Variants in RHOU observed in about 807,000 individuals in gnomAD.
RHOU encodes the protein ras homolog family member U.
Under a neutral mutation model 12.6 loss-of-function variants are expected in RHOU, and 8 were observed. That is an observed-to-expected ratio of 0.64 (90% CI 0.37 to 1.15). RHOU has a LOEUF of 1.15. Among genes scored for constraint, RHOU ranks in the 50% most tolerant of loss-of-function variants. The pLI is 0.01. For missense variants in RHOU, 258 were observed against 347.0 expected (o/e 0.74, Z 2.04); for synonymous variants, 161 against 147.4 (o/e 1.09, Z -0.67).
the RHOU span, among the ~76,000 whole-genome samples, chr1:228,690,930 A>T: frequency 2.0e-5 from 3 of 152,172 alleles, no homozygotes; most frequent in East Asian, 5.8e-4. Flanking sequence ...ATTAGTTTTA[A>T]AAGAGTGTAT....
chr1:228,695,750 C>T, the RHOU span, among the ~76,000 whole-genome samples: 1 of 152,174 alleles, frequency 6.6e-6, no homozygotes, highest in Non-Finnish European at 1.5e-5. Flanking sequence ...GTTTGGCTAT[C>T]CTGGAACTCT....
At chr1:228,699,886 A>G in the RHOU span, among the ~76,000 whole-genome samples, 2 of 152,188 alleles carry the variant, frequency 1.3e-5, no homozygotes, top group African/African-American at 2.4e-5. Context: ...AAATCTCTCT[A>G]TAAATCTTTA....
At chr1:228,673,446 G>A in the RHOU span, among the ~76,000 whole-genome samples, 1 of 152,114 alleles carries the variant, frequency 6.6e-6, no homozygotes, top group Non-Finnish European at 1.5e-5. Context: ...GGTGTGATAT[G>A]GTTTGAATTG....
the RHOU span, among the ~76,000 whole-genome samples, chr1:228,714,337 G>A: frequency 6.6e-6 from 1 of 151,998 alleles, no homozygotes; most frequent in Non-Finnish European, 1.5e-5. Flanking sequence ...TATTATACTT[G>A]CTTCACAAAA....
the RHOU span, among the ~76,000 whole-genome samples, chr1:228,681,636 A>G: frequency 6.6e-6 from 1 of 152,176 alleles, no homozygotes; most frequent in Non-Finnish European, 1.5e-5. Context: ...GGAGAAATCG[A>G]AAGTGTCATT....
Position 228,745,525 on chromosome 1 carries a change from A to G in RHOU, c.*1785A>G, listed in dbSNP as rs1035795620. The G allele has an allele frequency of 4.6e-5, 7 of 152,246 alleles. No homozygotes were observed. Among genetic ancestry groups the G allele is most frequent in the African/African-American group, 1.4e-4 (6 of 41,472 alleles). The allele number at this position is 152,246 out of a possible 1,614,324, so 9.4% of individuals were successfully genotyped here. On this transcript the variant is annotated 3_prime_UTR_variant, in exon 3 of 3. Transcript: ENST00000366691. ...TTCCTGTTAGTAAATAAAATTAACA[A>G]ATTTCTTTGTTTAACAAAAGATTAA...
At chr1:228,681,113 A>C in the RHOU span, among the ~76,000 whole-genome samples, 1 of 152,154 alleles carries the variant, frequency 6.6e-6, no homozygotes, top group East Asian at 1.9e-4. Context: ...GTATATATTT[A>C]TTGGTGTCTG....
chr1:228,662,913 T>A, the RHOU span, among the ~76,000 whole-genome samples: 10 of 152,056 alleles, frequency 6.6e-5, no homozygotes, highest in Non-Finnish European at 2.9e-5. Context: ...GCAGCAATAG[T>A]GTCCCCATGA....
At chr1:228,729,241 A>C in the RHOU span, among the ~76,000 whole-genome samples, 5 of 152,116 alleles carry the variant, frequency 3.3e-5, no homozygotes, top group Non-Finnish European at 7.4e-5. Context: ...AAGATAGTTT[A>C]TACTCCTTTG....
chr1:228,697,754 C>T, the RHOU span, among the ~76,000 whole-genome samples: 1 of 152,188 alleles, frequency 6.6e-6, no homozygotes, highest in Admixed American at 6.5e-5. Flanking sequence ...TTTTAGAGGA[C>T]AATGAAATCC....
At chr1:228,648,135 C>G in the RHOU span, 360 of 152,448 alleles carry the variant, frequency 2.4e-3, 3 homozygotes, top group Middle Eastern at 0.024. Context: ...TATCGGGACC[C>G]GGGAGCCGCT....
At chr1:228,657,982 G>A in the RHOU span, among the ~76,000 whole-genome samples, 1 of 152,080 alleles carries the variant, frequency 6.6e-6, no homozygotes, top group Non-Finnish European at 1.5e-5. Flanking sequence ...ATATGATAGT[G>A]TTAAGAGGTG....
At chr1:228,728,927 G>A in the RHOU span, among the ~76,000 whole-genome samples, 5 of 147,318 alleles carry the variant, frequency 3.4e-5, no homozygotes, top group Non-Finnish European at 3.0e-5. Context: ...ACAGAGTCTC[G>A]CTCTGTCGCC....
chr1:228,723,341 A>T, the RHOU span, among the ~76,000 whole-genome samples: 1 of 152,238 alleles, frequency 6.6e-6, no homozygotes, highest in Non-Finnish European at 1.5e-5. Flanking sequence ...CCAGCCAGGT[A>T]TATACAGAGG....
At chr1:228,724,108 C>T in the RHOU span, among the ~76,000 whole-genome samples, 1 of 152,180 alleles carries the variant, frequency 6.6e-6, no homozygotes, top group Admixed American at 6.5e-5. Context: ...GAGTGTTGCA[C>T]TGAAACATCA....
the RHOU span, among the ~76,000 whole-genome samples, chr1:228,707,249 A>G: frequency 3.2e-5 from 3 of 94,710 alleles, no homozygotes; most frequent in South Asian, 8.9e-4. Context: ...ATATATATAT[A>G]TATATAGTGT....
At chr1:228,728,247 A>G in the RHOU span, among the ~76,000 whole-genome samples, 1 of 152,210 alleles carries the variant, frequency 6.6e-6, no homozygotes, top group Admixed American at 6.5e-5. Flanking sequence ...CCACGTTAGC[A>G]GCGAGTCTAG....
chr1:228,707,200 TATATAC>T, the RHOU span, among the ~76,000 whole-genome samples: 2 of 116,812 alleles, frequency 1.7e-5, no homozygotes, highest in Non-Finnish European at 1.6e-5. Flanking sequence ...TATATACATA[TATATAC>T]ATATATATAT....
At chr1:228,710,563 A>G in the RHOU span, among the ~76,000 whole-genome samples, 4 of 152,226 alleles carry the variant, frequency 2.6e-5, no homozygotes, top group Admixed American at 2.0e-4. Flanking sequence ...TAAAAACCAC[A>G]TGATTATCTC....
Sources: gnomAD v4.1 joint callset for allele counts (sites outside exome capture counted in the v4.1 genomes callset) on GRCh38, gnomAD v4.1.1 for gene constraint, MANE v1.5 for transcripts, NCBI Gene and HGNC (gene_info 2026-07-23, HGNC 2026-07-21) for gene names.